SIDT1: variants seen among roughly 807,000 people sequenced by gnomAD.
SIDT1 encodes the protein SID1 transmembrane family, member 1.
Under a neutral mutation model 107.5 loss-of-function variants are expected in SIDT1, and 101 were observed. That is an observed-to-expected ratio of 0.94 (90% CI 0.80 to 1.11). SIDT1 has a LOEUF of 1.11. Ranked by LOEUF, SIDT1 falls within the 50% of genes least tolerant of loss-of-function variation. The pLI, the probability that SIDT1 is intolerant of heterozygous loss-of-function variation, is 0.00. For synonymous variants in SIDT1, 395 were observed against 398.2 expected (o/e 0.99, Z 0.10); for missense variants, 1,076 against 1,058.2 (o/e 1.02, Z -0.23).
chr3:113,580,734 T>G, intron 5 of SIDT1, 25 bp downstream of exon 5: 1 of 1,374,912 alleles, frequency 7.3e-7, no homozygotes. Context: ...CTTGCCAACC[T>G]TCTACTATAG....
chr3:113,616,322 G>T, intron 20 of SIDT1, 146 bp downstream of exon 20: 1 of 639,668 alleles, frequency 1.6e-6, no homozygotes, highest in Non-Finnish European at 2.8e-6. Context: ...AGTGGGAGAA[G>T]GAGCATGGTG....
chr3:113,567,263 T>C (rs916303248), intron 2 of SIDT1, among the ~76,000 whole-genome samples: 2 of 152,200 alleles, frequency 1.3e-5, no homozygotes, highest in Admixed American at 6.5e-5. Context: ...TTATTCCTCA[T>C]TGAATTAGGA....
chr3:113,557,527 A>G (rs1411535291), intron 1 of SIDT1, among the ~76,000 whole-genome samples: 1 of 152,198 alleles, frequency 6.6e-6, no homozygotes, highest in Non-Finnish European at 1.5e-5. Context: ...AGAGACACAC[A>G]GAGGGGGCAC....
intron 6 of SIDT1, among the ~76,000 whole-genome samples, chr3:113,582,865 G>T (rs1008943420): frequency 6.6e-6 from 1 of 151,932 alleles, no homozygotes; most frequent in Non-Finnish European, 1.5e-5. Context: ...TTTAAGTCTG[G>T]GTTATAGAAC....
At chr3:113,548,842 T>C (rs1292278823) in intron 1 of SIDT1, among the ~76,000 whole-genome samples, 1 of 152,148 alleles carries the variant, frequency 6.6e-6, no homozygotes, top group African/African-American at 2.4e-5. Context: ...AGTATTCAAA[T>C]CTAACTGTGT....
chr3:113,541,345 T>C (rs1477780102), intron 1 of SIDT1, among the ~76,000 whole-genome samples: 1 of 152,184 alleles, frequency 6.6e-6, no homozygotes, highest in Non-Finnish European at 1.5e-5. Flanking sequence ...AGTTTTTGTA[T>C]TTTTAGTAGA....
chr3:113,538,061 G>T (rs137894681), intron 1 of SIDT1, among the ~76,000 whole-genome samples: 211 of 152,234 alleles, frequency 1.4e-3, no homozygotes, highest in African/African-American at 4.7e-3. Flanking sequence ...GGAATTACAG[G>T]CATGAGCCAC....
chr3:113,617,386 T>C (rs536866644), intron 20 of SIDT1, among the ~76,000 whole-genome samples: 1 of 152,314 alleles, frequency 6.6e-6, no homozygotes, highest in South Asian at 2.1e-4. Context: ...CTCTGGTCAG[T>C]GATCTTGAGA....
At chr3:113,585,051 T>A in intron 8 of SIDT1, 126 bp from the exon 9 acceptor site, 1 of 724,744 alleles carries the variant, frequency 1.4e-6, no homozygotes, top group Admixed American at 2.4e-5. Flanking sequence ...AGTTTTGCTG[T>A]GAACAAAAAT....
chr3:113,555,860 T>C (rs920069670), intron 1 of SIDT1, among the ~76,000 whole-genome samples: 1 of 149,938 alleles, frequency 6.7e-6, no homozygotes, highest in East Asian at 1.9e-4. Context: ...TTTTTTTTTT[T>C]TTTTTTTGCC....
Position 113,566,413 on chromosome 3 carries a change from C to A in SIDT1, c.223-7C>A. The A allele has an allele frequency of 6.2e-7, 1 of 1,612,782 alleles. No individual in the cohort carries two copies. Among genetic ancestry groups the A allele is most frequent in the East Asian group, 2.2e-5 (1 of 44,838 alleles). On this transcript the variant is annotated splice_region_variant and splice_polypyrimidine_tract_variant and intron_variant, in intron 1 of 24. Coordinates refer to ENST00000264852, the MANE Select transcript of SIDT1 (RefSeq NM_017699.3). ...TTTGCATTACCTCTTTCTACCCTGC[C>A]ATGCAGGTGACAGCCGTGAGGGTGT...
rs573957512 is a variant in SIDT1, at chr3:113,540,986, C to A, written c.222+7743C>A. Reference sequence around the variant, plus strand: ...TAATACCCTTAAAGAAAGTAATGAACTTATTCTATCAGATATTCTCTCCAT... The same window carrying A: ...TAATACCCTTAAAGAAAGTAATGAAATTATTCTATCAGATATTCTCTCCAT... On this transcript the variant is annotated intron_variant, in intron 1 of 24. Transcript: ENST00000264852. Among the ~76,000 whole-genome samples, 85 of 151,998 alleles carry A rather than the reference C, an allele frequency of 5.6e-4. 1 individual carries two copies. The highest frequency in any genetic ancestry group is 1.9e-3 in the African/African-American group (78 of 41,490).
At chr3:113,607,541 T>C (rs1945424384) in intron 15 of SIDT1, among the ~76,000 whole-genome samples, 1 of 152,252 alleles carries the variant, frequency 6.6e-6, no homozygotes, top group South Asian at 2.1e-4. Flanking sequence ...CCCAGCCCTG[T>C]GGCCTCCCAG....
intron 1 of SIDT1, among the ~76,000 whole-genome samples, chr3:113,548,259 G>A (rs1939820452): frequency 6.6e-6 from 1 of 151,556 alleles, no homozygotes; most frequent in African/African-American, 2.4e-5. Flanking sequence ...ATTTTACATT[G>A]GGGTTCACTC....
intron 14 of SIDT1, 138 bp from the exon 15 acceptor site, chr3:113,606,903 T>C: frequency 1.7e-6 from 1 of 592,642 alleles, no homozygotes; most frequent in Non-Finnish European, 3.1e-6. Flanking sequence ...TAATGGCCCA[T>C]CTGTGCAGAG....
intron 23 of SIDT1, among the ~76,000 whole-genome samples, chr3:113,625,148 G>A (rs1946760274): frequency 6.6e-6 from 1 of 151,110 alleles, no homozygotes; most frequent in Admixed American, 6.6e-5. Context: ...TTTTTTGGGG[G>A]GGCGGGGGGA....
rs72950872 is a variant in SIDT1 at position 113,561,881 on chromosome 3, G to A, written c.223-4539G>A. On this transcript the variant is annotated intron_variant, in intron 1 of 24. Transcript: ENST00000264852. The stretch of plus-strand genomic sequence containing the variant: ...TAAGTACTTAAGAAGGGAGGAGGAG[G>A]TTGCATCTTAGGTGAAAAAAGGGAG... 4.2e-3 allele frequency among the ~76,000 whole-genome samples: 647 copies of A among 152,254 alleles called. 4 individuals are homozygous for A. Among genetic ancestry groups the A allele is most frequent in the African/African-American group, 0.014 (599 of 41,542 alleles).
chr3:113,538,366 T>G (rs1361502782), intron 1 of SIDT1, among the ~76,000 whole-genome samples: 1 of 152,208 alleles, frequency 6.6e-6, no homozygotes, highest in Admixed American at 6.5e-5. Context: ...TACGCAGACT[T>G]GATAATCAGG....
At chr3:113,607,020 T>C in intron 14 of SIDT1, 21 bp from the exon 15 acceptor site, 1 of 1,544,158 alleles carries the variant, frequency 6.5e-7, no homozygotes, top group Non-Finnish European at 9.0e-7. Flanking sequence ...ACATTTCCTC[T>C]TCTCACTCTT....
Sources: allele counts gnomAD v4.1 joint callset (sites outside exome capture counted in the v4.1 genomes callset), GRCh38; gene constraint gnomAD v4.1.1; transcripts MANE v1.5; gene names NCBI Gene and HGNC (gene_info 2026-07-23, HGNC 2026-07-21).